Variants in CSMD1 observed in about 807,000 individuals in gnomAD.
CSMD1 encodes the protein CUB and sushi domain-containing protein 1.
Under a neutral mutation model 417.5 loss-of-function variants are expected in CSMD1, and 213 were observed. The observed-to-expected ratio is 0.51, with a 90% CI of 0.46 to 0.57. The LOEUF (loss-of-function observed/expected upper bound fraction) is 0.57. CSMD1 is among the 20% of genes least tolerant of loss of function. The pLI, the probability that CSMD1 is intolerant of heterozygous loss-of-function variation, is 0.00. For missense variants in CSMD1, 6,923 were observed against 4,529.7 expected (o/e 1.53, Z -15.17); for synonymous variants, 2,862 against 1,736.8 (o/e 1.65, Z -16.11).
intron 23 of CSMD1, among the ~76,000 whole-genome samples, chr8:3,316,856 A>G (rs1430127379): frequency 6.6e-6 from 1 of 152,138 alleles, no homozygotes; most frequent in African/African-American, 2.4e-5. Flanking sequence ...CGTATTTCAG[A>G]GAGATAATCA....
intron 10 of CSMD1, among the ~76,000 whole-genome samples, chr8:3,495,029 A>G (rs1441191509): frequency 6.6e-6 from 1 of 152,216 alleles, no homozygotes; most frequent in Admixed American, 6.5e-5. Context: ...AATTCTTACT[A>G]AAATTATTAA....
At chr8:4,339,032 T>C (rs1339442033) in intron 3 of CSMD1, among the ~76,000 whole-genome samples, 1 of 152,120 alleles carries the variant, frequency 6.6e-6, no homozygotes, top group African/African-American at 2.4e-5. Flanking sequence ...GCTCAATTGC[T>C]GTAGAGCCTC....
chr8:4,020,277 A>C (rs1230068438), intron 4 of CSMD1, among the ~76,000 whole-genome samples: 1 of 152,234 alleles, frequency 6.6e-6, no homozygotes, highest in East Asian at 1.9e-4. Context: ...GATTTGCCCC[A>C]GGTGACCAGT....
chr8:3,466,010 A>G (rs1274548606), intron 12 of CSMD1, among the ~76,000 whole-genome samples: 1 of 152,190 alleles, frequency 6.6e-6, no homozygotes, highest in Non-Finnish European at 1.5e-5. Context: ...TTGGGTTTAC[A>G]TGTCTTACTG....
chr8:3,667,011 C>T (rs1282232956), intron 7 of CSMD1, among the ~76,000 whole-genome samples: 2 of 152,126 alleles, frequency 1.3e-5, no homozygotes, highest in South Asian at 2.1e-4. Context: ...TATGGCACAA[C>T]CCTGAAGGCG....
Position 3,468,305 on chromosome 8 carries a change from G to C in CSMD1, c.1561+407C>G, listed in dbSNP as rs1024737993. On this transcript the variant is annotated intron_variant, in intron 12 of 69. Transcript: ENST00000635120. ...CACAGGGCTTTCATTTCAAATATTT[G>C]AATTTGGCTCATAAAAATTTATAAT... Among the ~76,000 whole-genome samples the C allele has an allele frequency of 4.6e-5, 7 of 152,200 alleles. No individual in the cohort carries two copies. The South Asian group carries it at 6.2e-4, about 14-fold the overall frequency.
At chr8:3,229,622 TATC>T (rs978748683) in intron 27 of CSMD1, among the ~76,000 whole-genome samples, 1 of 152,164 alleles carries the variant, frequency 6.6e-6, no homozygotes, top group Non-Finnish European at 1.5e-5. Flanking sequence ...AATGTACTAA[TATC>T]ATAGGGGGAA....
intron 30 of CSMD1, among the ~76,000 whole-genome samples, chr8:3,209,356 G>A (rs1490830525): frequency 6.6e-6 from 1 of 151,554 alleles, no homozygotes; most frequent in Non-Finnish European, 1.5e-5. Flanking sequence ...TTGCTCTGTG[G>A]CCCAGGCTGG....
At chr8:4,449,362 C>A (rs1391993130) in intron 2 of CSMD1, among the ~76,000 whole-genome samples, 2 of 152,048 alleles carry the variant, frequency 1.3e-5, no homozygotes, top group African/African-American at 2.4e-5. Flanking sequence ...CTCTTTTTTT[C>A]CAGAATGATT....
intron 43 of CSMD1, among the ~76,000 whole-genome samples, chr8:3,109,272 A>G (rs1054854660): frequency 6.6e-6 from 1 of 152,228 alleles, no homozygotes; most frequent in Non-Finnish European, 1.5e-5. Context: ...TCAAAAAGAA[A>G]TAAATTAAAA....
chr8:3,469,879 T>A (rs2117192330), intron 11 of CSMD1, among the ~76,000 whole-genome samples: 1 of 152,374 alleles, frequency 6.6e-6, no homozygotes, highest in South Asian at 2.1e-4. Flanking sequence ...ACTAAATATG[T>A]ATTTCTTTCT....
chr8:4,613,135 G>A (rs186555065), intron 2 of CSMD1, among the ~76,000 whole-genome samples: 12 of 152,070 alleles, frequency 7.9e-5, no homozygotes, highest in African/African-American at 2.4e-4. Flanking sequence ...TTCTAAACAC[G>A]AGCTGATTGC....
At chr8:3,840,820 C>T (rs954099430) in intron 5 of CSMD1, among the ~76,000 whole-genome samples, 4 of 151,710 alleles carry the variant, frequency 2.6e-5, no homozygotes, top group African/African-American at 7.3e-5. Flanking sequence ...CTCAACCTTC[C>T]AAGTAGCTGG....
intron 49 of CSMD1, among the ~76,000 whole-genome samples, chr8:3,070,381 G>A (rs977975534): frequency 2.6e-5 from 4 of 152,186 alleles, no homozygotes; most frequent in African/African-American, 4.8e-5. Context: ...CTGCTTAAAT[G>A]TAAATTTCAA....
intron 2 of CSMD1, among the ~76,000 whole-genome samples, chr8:4,579,319 A>AACATACAT (rs143610926): frequency 5.8e-4 from 87 of 149,502 alleles, no homozygotes; most frequent in African/African-American, 1.5e-3. Flanking sequence ...GTGAAGTTTA[A>AACATACAT]ACATACATAC....
chr8:4,775,115 A>T (rs916264954), intron 1 of CSMD1, among the ~76,000 whole-genome samples: 1 of 152,220 alleles, frequency 6.6e-6, no homozygotes, highest in African/African-American at 2.4e-5. Context: ...GAAATATTTA[A>T]AATAATATGT....
At chr8:4,349,655 G>C (rs960851477) in intron 3 of CSMD1, among the ~76,000 whole-genome samples, 6 of 152,018 alleles carry the variant, frequency 3.9e-5, no homozygotes, top group African/African-American at 1.4e-4. Context: ...CATAATATTT[G>C]GCTAAATGGT....
chr8:4,032,020 G>T lies in CSMD1; in HGVS notation c.495C>A (p.Asp165Glu). ...CAGGGAGGCAGCTGTACCGGATTTT[G>T]TCTCCTATGTTGAATCTCGTTCCAT... is the stretch of plus-strand genomic sequence containing the variant. ...VLHGTRFNIG[D>E]KIRYSCLPGY... Residue 165 changes from aspartate (D) to glutamate (E), a missense_variant, in exon 4 of 70, where the codon GAC becomes GAA. Transcript: ENST00000635120. 3.1e-6 allele frequency: 5 copies of T among 1,613,922 alleles called. No homozygotes were observed. The highest frequency in any genetic ancestry group is 4.2e-6 in the Non-Finnish European group (5 of 1,179,866).
At chr8:4,905,702 C>A (rs1317821664) in intron 1 of CSMD1, among the ~76,000 whole-genome samples, 1 of 151,776 alleles carries the variant, frequency 6.6e-6, no homozygotes, top group Non-Finnish European at 1.5e-5. Context: ...CGCCTGTAGT[C>A]CCAGCTCCTC....
Sources: gnomAD v4.1 joint callset for allele counts (sites outside exome capture counted in the v4.1 genomes callset) on GRCh38, gnomAD v4.1.1 for gene constraint, MANE v1.5 for transcripts, NCBI Gene and HGNC (gene_info 2026-07-23, HGNC 2026-07-21) for gene names.